MAML3: variants seen among roughly 807,000 people sequenced by gnomAD.
The protein encoded by MAML3 is mastermind like transcriptional coactivator 3.
In MAML3, 27 loss-of-function variants were observed where a neutral mutation model predicts 101.9. The observed-to-expected ratio is 0.27, with a 90% CI of 0.20 to 0.37. MAML3 has a LOEUF of 0.37. Ranked by LOEUF, MAML3 falls within the 10% of genes least tolerant of loss-of-function variation. The pLI is 1.00. For synonymous variants in MAML3, 501 were observed against 555.9 expected (o/e 0.90, Z 1.39); for missense variants, 1,316 against 1,444.9 (o/e 0.91, Z 1.45).
rs150242459 is a variant in MAML3 at position 140,015,456 on chromosome 4, T to C, written c.469-124489A>G. On this transcript the variant is annotated intron_variant, in intron 1 of 4. Coordinates refer to ENST00000509479, the MANE Select transcript of MAML3 (RefSeq NM_018717.5). ...CGAACTTCTTTACTCTTCAAATTCT[T>C]AATTTTTAGAAATGGAGAGAAACTT... Among the ~76,000 whole-genome samples the C allele has an allele frequency of 1.2e-3, 184 of 152,318 alleles. 1 individual carries two copies. The highest frequency in any genetic ancestry group is 4.2e-3 in the African/African-American group (174 of 41,582).
chr4:139,901,449 C>T (rs1430256916), intron 1 of MAML3, among the ~76,000 whole-genome samples: 1 of 152,186 alleles, frequency 6.6e-6, no homozygotes, highest in Non-Finnish European at 1.5e-5. Flanking sequence ...GAAACAATAT[C>T]CTTAGGAATA....
At chr4:140,090,442 A>C (rs1367928461) in intron 1 of MAML3, among the ~76,000 whole-genome samples, 1 of 152,256 alleles carries the variant, frequency 6.6e-6, no homozygotes. Context: ...TTTAATCAGC[A>C]CTTAGTAAGT....
chr4:139,871,333 T>C (rs539730383), intron 2 of MAML3, among the ~76,000 whole-genome samples: 1 of 152,308 alleles, frequency 6.6e-6, no homozygotes, highest in East Asian at 1.9e-4. Context: ...TTTTGGTCAA[T>C]TCAGCTCTCA....
chr4:139,743,256 C>T (rs1018195303), intron 2 of MAML3, among the ~76,000 whole-genome samples: 1 of 152,202 alleles, frequency 6.6e-6, no homozygotes, highest in African/African-American at 2.4e-5. Context: ...AACAGCAGAA[C>T]AGGAGGGGCA....
In MAML3 at chr4:139,839,559, G is replaced by C. The variant is rs112038422; in HGVS notation, c.2079+49798C>G. 3.2e-3 allele frequency among the ~76,000 whole-genome samples: 486 copies of C among 151,796 alleles called. 1 individual carries two copies. Among genetic ancestry groups the C allele is most frequent in the African/African-American group, 0.011 (438 of 41,366 alleles). On this transcript the variant is annotated intron_variant, in intron 2 of 4. Transcript: ENST00000509479. ...AATCAACTTAGGGAGCAGATATGCA[G>C]CGTGTGTGTACACCCAGCATGTGTT...
chr4:140,151,691 G>GC (rs751926739), intron 1 of MAML3, among the ~76,000 whole-genome samples: 4 of 6,180 alleles, frequency 6.5e-4, no homozygotes, highest in East Asian at 5.7e-3. Flanking sequence ...GGCGCGGTGC[G>GC]GGGGGGGGGG....
chr4:140,125,132 T>A (rs1042643315), intron 1 of MAML3, among the ~76,000 whole-genome samples: 1 of 152,270 alleles, frequency 6.6e-6, no homozygotes, highest in Non-Finnish European at 1.5e-5. Flanking sequence ...ATGTATGTTC[T>A]ATTAAAAGAC....
chr4:139,719,391 A>T lies in MAML3; in HGVS notation c.3349T>A (p.Ser1117Thr), dbSNP rs1357707644. ...GLPDGADLVDSIIKGGPGDEW... is the reference protein window; with the variant it reads ...GLPDGADLVDTIIKGGPGDEW... Reference sequence around the variant, plus strand: ...TCCCCTGGCCCGCCTTTGATGATGGAGTCCACAAGGTCTGCACCGTCCGGG... The same window carrying T: ...TCCCCTGGCCCGCCTTTGATGATGGTGTCCACAAGGTCTGCACCGTCCGGG... The change falls in exon 5 of 5, where the codon TCC becomes ACC. Residue 1117 changes from serine to threonine, a missense_variant. Transcript: ENST00000509479. 1 of 1,613,186 alleles carries T rather than the reference A, an allele frequency of 6.2e-7. No individual in the cohort carries two copies. The highest frequency in any genetic ancestry group is 8.5e-7 in the Non-Finnish European group (1 of 1,179,458).
chr4:139,989,842 CACAAACAA>C (rs757823377), intron 1 of MAML3, among the ~76,000 whole-genome samples: 9 of 128,164 alleles, frequency 7.0e-5, no homozygotes, highest in Admixed American at 2.3e-4. Context: ...CCCCACCACA[CACAAACAA>C]ACACACACAC....
chr4:140,093,416 G>GTTTTTTT (rs561107578), intron 1 of MAML3, among the ~76,000 whole-genome samples: 4 of 121,482 alleles, frequency 3.3e-5, no homozygotes, highest in Non-Finnish European at 5.1e-5. Context: ...ATGTTTGTTT[G>GTTTTTTT]TTTTTTTTTT....
At chr4:139,936,500 A>G (rs191901003) in intron 1 of MAML3, among the ~76,000 whole-genome samples, 27 of 152,298 alleles carry the variant, frequency 1.8e-4, no homozygotes, top group Admixed American at 3.3e-4. Flanking sequence ...ACCAATTTAC[A>G]TGCTCACCAA....
intron 2 of MAML3, among the ~76,000 whole-genome samples, chr4:139,821,669 G>A (rs1330472640): frequency 3.3e-5 from 5 of 152,248 alleles, no homozygotes; most frequent in Non-Finnish European, 2.9e-5. Flanking sequence ...CACCAGGGAA[G>A]CTGGCCTAGG....
intron 1 of MAML3, among the ~76,000 whole-genome samples, chr4:139,912,511 T>C (rs1314005707): frequency 1.3e-5 from 2 of 152,226 alleles, no homozygotes; most frequent in Non-Finnish European, 1.5e-5. Context: ...CAAAATGATA[T>C]ATTGAAGTCC....
intron 2 of MAML3, among the ~76,000 whole-genome samples, chr4:139,825,892 TGTTCTGG>T (rs1162425386): frequency 6.6e-6 from 1 of 151,606 alleles, no homozygotes; most frequent in African/African-American, 2.4e-5. Context: ...GAGGCATGGG[TGTTCTGG>T]GATGATTGCT....
intron 2 of MAML3, among the ~76,000 whole-genome samples, chr4:139,760,972 T>G (rs549482725): frequency 1.7e-4 from 26 of 152,170 alleles, no homozygotes; most frequent in African/African-American, 6.0e-4. Flanking sequence ...TTTTCTTTTT[T>G]TTTGAGATGG....
intron 1 of MAML3, among the ~76,000 whole-genome samples, chr4:139,896,136 G>C (rs1016062520): frequency 3.3e-5 from 5 of 152,092 alleles, no homozygotes; most frequent in Non-Finnish European, 7.4e-5. Context: ...AGGCGGAGAG[G>C]GAGACACAGA....
At chr4:139,878,276 G>C (rs1732150765) in intron 2 of MAML3, among the ~76,000 whole-genome samples, 2 of 152,102 alleles carry the variant, frequency 1.3e-5, no homozygotes, top group Admixed American at 1.3e-4. Context: ...GGCTGCTCTT[G>C]TCTTCTCCAG....
chr4:139,789,081 T>G (rs991689959), intron 2 of MAML3, among the ~76,000 whole-genome samples: 1 of 152,226 alleles, frequency 6.6e-6, no homozygotes, highest in Non-Finnish European at 1.5e-5. Context: ...TAGAGTAGCC[T>G]TAGAGATCAT....
At chr4:139,882,736 C>G (rs541889880) in intron 2 of MAML3, among the ~76,000 whole-genome samples, 1 of 152,258 alleles carries the variant, frequency 6.6e-6, no homozygotes, top group East Asian at 1.9e-4. Flanking sequence ...GTAATCCCAG[C>G]TACTCAGGAG....
Sources: allele counts gnomAD v4.1 joint callset (sites outside exome capture counted in the v4.1 genomes callset), GRCh38; gene constraint gnomAD v4.1.1; transcripts MANE v1.5; gene names NCBI Gene and HGNC (gene_info 2026-07-23, HGNC 2026-07-21).